CACUL1: variants seen among roughly 807,000 people sequenced by gnomAD.
CACUL1 encodes the protein CDK2-associated and cullin domain-containing protein 1.
In CACUL1, 13 loss-of-function variants were observed where a neutral mutation model predicts 45.2. The observed-to-expected ratio is 0.29, with a 90% CI of 0.19 to 0.46. The LOEUF (loss-of-function observed/expected upper bound fraction) is 0.46. Ranked by LOEUF, CACUL1 falls within the 20% of genes least tolerant of loss-of-function variation. The probability of loss-of-function intolerance (pLI) is 1.00; values close to 1 mark genes in which losing one functional copy is unlikely to be tolerated. For synonymous variants in CACUL1, 197 were observed against 174.2 expected, an observed-to-expected ratio of 1.13 and a Z score of -1.03; for missense variants, 421 against 471.4, an observed-to-expected ratio of 0.89 and a Z score of 0.99.
At chr10:118,714,842 A>G (rs1047996615) in intron 3 of CACUL1, among the ~76,000 whole-genome samples, 6 of 152,224 alleles carry the variant, frequency 3.9e-5, no homozygotes, top group African/African-American at 1.4e-4. Context: ...CCCCGCAAGC[A>G]TGTGGAAATG....
chr10:118,701,552 T>C lies in CACUL1; in HGVS notation c.694-144A>G, dbSNP rs548107015. On this transcript the variant is annotated intron_variant, in intron 4 of 8. Coordinates refer to ENST00000369151, the MANE Select transcript of CACUL1 (RefSeq NM_153810.5). ...ACTCAACATCCAACAACAAAAGCCA[T>C]GCAACTATTAGTTACTTGTCTTTCT... is the stretch of plus-strand genomic sequence containing the variant. 61 of 490,046 alleles carry C rather than the reference T, an allele frequency of 1.2e-4. No homozygotes were observed. In the South Asian group the frequency reaches 2.2e-3, roughly 18 times the overall value. 30.4% of individuals were successfully genotyped at this position (490,046 alleles called of 1,614,324 possible).
In CACUL1 at chr10:118,754,480, C is replaced by G. The variant is rs369141874; in HGVS notation, c.283G>C (p.Asp95His). 3.1e-6 allele frequency: 5 copies of G among 1,611,540 alleles called. No homozygotes were observed. In the African/African-American group the frequency reaches 6.7e-5, roughly 22 times the overall value. ...NGVIMMLKSC[D>H]AAAAVAKAAP... ...GCCTTGGCCACGGCGGCGGCCGCGT[C>G]GCAGCTCTTCAACATCATGATCACC... The change falls in exon 1 of 9, where the codon GAC becomes CAC. Residue 95 changes from aspartate (D) to histidine (H), a missense_variant. Physicochemically the swap from Asp to His is moderately conservative, Grantham distance 81. Transcript: ENST00000369151.
chr10:118,716,757 C>A (rs1413893175), intron 3 of CACUL1, among the ~76,000 whole-genome samples: 1 of 152,096 alleles, frequency 6.6e-6, no homozygotes, highest in Non-Finnish European at 1.5e-5. Context: ...CACCCGCCAC[C>A]ACGCCTGCCT....
intron 3 of CACUL1, among the ~76,000 whole-genome samples, chr10:118,724,433 A>G (rs1189452421): frequency 6.6e-6 from 1 of 152,128 alleles, no homozygotes; most frequent in East Asian, 1.9e-4. Flanking sequence ...CTTATCAATT[A>G]TATGTCCACT....
chr10:118,737,516 A>G (rs955250875), intron 1 of CACUL1, among the ~76,000 whole-genome samples: 5 of 152,196 alleles, frequency 3.3e-5, no homozygotes, highest in African/African-American at 9.7e-5. Flanking sequence ...ATAACATACC[A>G]GCCGTATAAA....
At chr10:118,727,380 C>T (rs1589614372) in intron 3 of CACUL1, among the ~76,000 whole-genome samples, 3 of 138,742 alleles carry the variant, frequency 2.2e-5, no homozygotes, top group South Asian at 4.7e-4. Context: ...GGAGACAGAG[C>T]GAGACCCCCA....
chr10:118,735,632 TG>T (rs1399505063), intron 1 of CACUL1, among the ~76,000 whole-genome samples: 1 of 152,188 alleles, frequency 6.6e-6, no homozygotes, highest in Non-Finnish European at 1.5e-5. Context: ...TGCTAATATA[TG>T]GCTTGTCTGT....
chr10:118,731,944 G>A (rs1845700937), intron 1 of CACUL1, among the ~76,000 whole-genome samples: 1 of 152,178 alleles, frequency 6.6e-6, no homozygotes, highest in Non-Finnish European at 1.5e-5. Context: ...GGGGAATAAA[G>A]GAGTGTTTTG....
At chr10:118,721,562 A>C (rs999846147) in intron 3 of CACUL1, among the ~76,000 whole-genome samples, 4 of 152,182 alleles carry the variant, frequency 2.6e-5, no homozygotes. Context: ...TAAAAATTGC[A>C]ACATTTCCCA....
chr10:118,687,825 TA>T (rs1162077425), intron 7 of CACUL1, among the ~76,000 whole-genome samples: 5 of 150,924 alleles, frequency 3.3e-5, no homozygotes, highest in South Asian at 4.3e-4. Flanking sequence ...TACTCAATAT[TA>T]TTTTTTTTTT....
intron 6 of CACUL1, among the ~76,000 whole-genome samples, chr10:118,692,050 A>G (rs947813946): frequency 1.3e-5 from 2 of 152,000 alleles, no homozygotes; most frequent in African/African-American, 4.8e-5. Context: ...GTGGGAGGGG[A>G]CTTGGTGTAA....
At chr10:118,750,107 A>G (rs1311676972) in intron 1 of CACUL1, among the ~76,000 whole-genome samples, 1 of 152,174 alleles carries the variant, frequency 6.6e-6, no homozygotes, top group Admixed American at 6.5e-5. Flanking sequence ...CGGGTGGATG[A>G]CCTGAGGTCA....
chr10:118,711,077 T>C (rs1845480382), intron 3 of CACUL1, among the ~76,000 whole-genome samples: 1 of 152,202 alleles, frequency 6.6e-6, no homozygotes, highest in South Asian at 2.1e-4. Flanking sequence ...TCAAAAGAAA[T>C]CCAACAACAT....
intron 4 of CACUL1, among the ~76,000 whole-genome samples, chr10:118,706,671 T>G (rs370955839): frequency 7.2e-5 from 11 of 152,250 alleles, no homozygotes; most frequent in Non-Finnish European, 4.4e-5. Context: ...ACCAGTTTCT[T>G]TGGCATTACA....
intron 1 of CACUL1, among the ~76,000 whole-genome samples, chr10:118,739,914 G>A (rs1845776330): frequency 6.6e-6 from 1 of 152,206 alleles, no homozygotes; most frequent in Admixed American, 6.5e-5. Flanking sequence ...GGAAGCCCAG[G>A]CAGATGGATC....
Position 118,678,538 on chromosome 10 carries a change from T to A in CACUL1, c.*7590A>T, listed in dbSNP as rs1393412903. 2.0e-5 allele frequency: 3 copies of A among 152,234 alleles called. No individual in the cohort carries two copies. The highest frequency in any genetic ancestry group is 4.4e-5 in the Non-Finnish European group (3 of 68,042). The allele number at this position is 152,234 out of a possible 1,614,324, so 9.4% of individuals were successfully genotyped here. A position where few individuals can be genotyped will look rare whatever the true frequency, so the allele number is the denominator to read the frequency against. On this transcript the variant is annotated 3_prime_UTR_variant, in exon 9 of 9. Transcript: ENST00000369151. ...AAATCATTGGGAATTTTTTTGGAAT[T>A]GCAATTTGGAGAAAAAGTTGAGATT...
At chr10:118,714,523 G>A (rs1420251416) in intron 3 of CACUL1, among the ~76,000 whole-genome samples, 3 of 152,238 alleles carry the variant, frequency 2.0e-5, no homozygotes, top group African/African-American at 7.2e-5. Flanking sequence ...AATACTGTCA[G>A]TCATTTTCCT....
chr10:118,745,587 AG>A (rs1350473005), intron 1 of CACUL1, among the ~76,000 whole-genome samples: 6 of 152,142 alleles, frequency 3.9e-5, no homozygotes, highest in Admixed American at 1.3e-4. Context: ...ACAGGAAAAA[AG>A]GAACATTTTT....
In CACUL1 at chr10:118,677,045, G is replaced by C. The variant is rs1845105484; in HGVS notation, c.*9083C>G. On this transcript the variant is annotated 3_prime_UTR_variant, in exon 9 of 9. Coordinates refer to ENST00000369151, the MANE Select transcript of CACUL1 (RefSeq NM_153810.5). ...TTCACAATCTGGAATTTCTCTTGGTGAATGGTATGATAGGAATCAGTTTAA... is the reference window on the plus strand; with the variant it reads ...TTCACAATCTGGAATTTCTCTTGGTCAATGGTATGATAGGAATCAGTTTAA... 1.3e-5 allele frequency: 2 copies of C among 152,206 alleles called. No individual in the cohort carries two copies. The highest frequency in any genetic ancestry group is 1.5e-5 in the Non-Finnish European group (1 of 68,004). 9.4% of individuals were successfully genotyped at this position (152,206 alleles called of 1,614,324 possible).
Sources: allele counts gnomAD v4.1 joint callset (sites outside exome capture counted in the v4.1 genomes callset), GRCh38; gene constraint gnomAD v4.1.1; transcripts MANE v1.5; gene names NCBI Gene and HGNC (gene_info 2026-07-23, HGNC 2026-07-21).